The following ZNF385B variants were observed in gnomAD, a reference collection of about 807,000 sequenced individuals.
ZNF385B encodes zinc finger protein 533.
ZNF385B carries 23 observed loss-of-function variants against 39.2 expected under a neutral mutation model. That is an observed-to-expected ratio of 0.59 (90% CI 0.42 to 0.83). ZNF385B has a LOEUF of 0.83. Among genes scored for constraint, ZNF385B ranks in the 40% least tolerant of loss-of-function variants. ZNF385B has a pLI of 0.00. For missense variants in ZNF385B, 552 were observed against 598.9 expected (o/e 0.92, Z 0.82); for synonymous variants, 205 against 222.6 (o/e 0.92, Z 0.70).
intron 4 of ZNF385B, among the ~76,000 whole-genome samples, chr2:179,542,083 G>A (rs1194055101): frequency 6.6e-6 from 1 of 152,198 alleles, no homozygotes; most frequent in African/African-American, 2.4e-5. Context: ...TATTAGTGGT[G>A]ATGTAATAGC....
rs1429643165 is a variant in ZNF385B, at chr2:179,551,961, T to C, written c.299-6992A>G. On this transcript the variant is annotated intron_variant, in intron 3 of 9. Transcript: ENST00000410066. ...TCCCATTAGAATGTAATTAAATTTCTTGCATACATTTCACTTTGATGGTAA... is the reference window on the plus strand; with the variant it reads ...TCCCATTAGAATGTAATTAAATTTCCTGCATACATTTCACTTTGATGGTAA... Among the ~76,000 whole-genome samples the C allele has an allele frequency of 2.3e-5, 3 of 133,144 alleles. No individual in the cohort carries two copies. The East Asian group carries it at 5.8e-4, about 26-fold the overall frequency. The allele number at this position is 133,144 out of a possible 152,430, so 87.3% of individuals were successfully genotyped here.
chr2:179,463,711 C>T (rs2051636265), intron 6 of ZNF385B, among the ~76,000 whole-genome samples: 1 of 152,166 alleles, frequency 6.6e-6, no homozygotes, highest in Non-Finnish European at 1.5e-5. Context: ...CATAGTATTC[C>T]ATGGTGTATA....
At chr2:179,696,567 CACTT>C (rs1234394994) in intron 3 of ZNF385B, among the ~76,000 whole-genome samples, 1 of 151,860 alleles carries the variant, frequency 6.6e-6, no homozygotes, top group Admixed American at 6.6e-5. Context: ...AATTTGTAGT[CACTT>C]AGTGATACTC....
At chr2:179,801,118 T>C (rs1352111) in intron 1 of ZNF385B, among the ~76,000 whole-genome samples, 63,157 of 151,852 alleles carry the variant, frequency 0.42, 13,481 homozygotes, top group Admixed American at 0.53. Flanking sequence ...GGTGCTTTTG[T>C]GTTTATTACC....
intron 3 of ZNF385B, among the ~76,000 whole-genome samples, chr2:179,616,483 G>A (rs1689749398): frequency 6.6e-6 from 1 of 151,992 alleles, no homozygotes; most frequent in South Asian, 2.1e-4. Context: ...ACAGGTGTAT[G>A]TCACCACGCC....
In ZNF385B at chr2:179,828,679, T is replaced by G. The variant is rs143072384; in HGVS notation, c.-155+32422A>C. Among the ~76,000 whole-genome samples the G allele has an allele frequency of 2.0e-5, 3 of 152,284 alleles. No homozygotes were observed. In the East Asian group the frequency reaches 5.8e-4, roughly 29 times the overall value. ...TCATGAAGTTTGAGAGTATGAAAAT[T>G]ACGAATCACTTCAAGAACTTTAAAA... On this transcript the variant is annotated intron_variant, in intron 1 of 9. Coordinates refer to ENST00000410066, the MANE Select transcript of ZNF385B (RefSeq NM_152520.6).
At chr2:179,699,119 T>A (rs911106243) in intron 3 of ZNF385B, among the ~76,000 whole-genome samples, 266 of 151,306 alleles carry the variant, frequency 1.8e-3, no homozygotes, top group African/African-American at 6.2e-3. Context: ...TGTGTTAAAA[T>A]ATATATATAT....
At position 179,645,892 on chromosome 2, in the gene ZNF385B, C is replaced by T. The variant is rs565142694; in HGVS notation, c.299-100923G>A. On this transcript the variant is annotated intron_variant, in intron 3 of 9. Transcript: ENST00000410066. Reference sequence around the variant, plus strand: ...ATTTTTTTTCATGCCCATATGCACTCTTCTCTCTGTAGAGGTCAAAGGTTT... The same window carrying T: ...ATTTTTTTTCATGCCCATATGCACTTTTCTCTCTGTAGAGGTCAAAGGTTT... Among the ~76,000 whole-genome samples the T allele has an allele frequency of 7.2e-5, 11 of 152,292 alleles. No homozygotes were observed. In the East Asian group the frequency reaches 1.4e-3, roughly 19 times the overall value.
intron 3 of ZNF385B, among the ~76,000 whole-genome samples, chr2:179,635,886 C>T (rs924269574): frequency 2.0e-5 from 3 of 152,132 alleles, no homozygotes; most frequent in Non-Finnish European, 4.4e-5. Context: ...GTGACCTACA[C>T]AAACATACTC....
chr2:179,445,456 C>A, intron 8 of ZNF385B, 94 bp downstream of exon 8: 1 of 1,270,952 alleles, frequency 7.9e-7, no homozygotes, highest in Non-Finnish European at 1.1e-6. Context: ...GTCAACTTAA[C>A]TGTGAGCACA....
intron 6 of ZNF385B, among the ~76,000 whole-genome samples, chr2:179,460,263 T>C (rs2051178360): frequency 1.3e-5 from 2 of 152,228 alleles, no homozygotes; most frequent in South Asian, 2.1e-4. Context: ...CAGAGATATC[T>C]AACATGGCTG....
rs553861949 is a variant in ZNF385B at position 179,860,380 on chromosome 2, T to C, written c.-155+721A>G. 9.2e-5 allele frequency among the ~76,000 whole-genome samples: 14 copies of C among 152,208 alleles called. No homozygotes were observed. The South Asian group carries it at 1.7e-3, about 18-fold the overall frequency. On this transcript the variant is annotated intron_variant, in intron 1 of 9. Coordinates refer to ENST00000410066, the MANE Select transcript of ZNF385B (RefSeq NM_152520.6). ...TCCTCCAGAGTCTAGGGAAGCATCG[T>C]CCTGCCAGCTCTCCCTTCTCCCCAC...
intron 1 of ZNF385B, among the ~76,000 whole-genome samples, chr2:179,830,852 A>C (rs541704032): frequency 5.9e-5 from 9 of 152,284 alleles, no homozygotes; most frequent in African/African-American, 2.2e-4. Flanking sequence ...TAATGCAAAC[A>C]AGGGCCTTTA....
intron 1 of ZNF385B, chr2:179,802,713 C>T (rs960766539): frequency 6.6e-6 from 1 of 152,024 alleles, no homozygotes; most frequent in African/African-American, 2.4e-5. Context: ...AGCTGAATGA[C>T]AGTGATTCAA....
rs753276716 is a variant in ZNF385B, at chr2:179,443,469, C to T, written c.1243-1G>A. ...TATCTTTCTGGAATGCAAGTTTTGC[C>T]TAAGGGAGGGAGAAAACCAGGAATG... On this transcript the variant is annotated splice_acceptor_variant, in intron 9 of 9. Coordinates refer to ENST00000410066, the MANE Select transcript of ZNF385B (RefSeq NM_152520.6). LOFTEE classifies it high-confidence loss of function. The T allele has an allele frequency of 6.3e-7, 1 of 1,588,570 alleles. No individual in the cohort carries two copies. Among genetic ancestry groups the T allele is most frequent in the Non-Finnish European group, 8.6e-7 (1 of 1,166,848 alleles).
At chr2:179,562,345 A>T in intron 3 of ZNF385B, 1 of 960,466 alleles carries the variant, frequency 1.0e-6, no homozygotes, top group South Asian at 4.8e-5. Flanking sequence ...TTTGTCACAT[A>T]TTTCATAAGA....
At position 179,443,171 on chromosome 2, in the gene ZNF385B, A is replaced by G. The variant is rs1384804444; in HGVS notation, c.*79T>C. 1 of 1,557,198 alleles carries G rather than the reference A, an allele frequency of 6.4e-7. No homozygotes were observed. The highest frequency in any genetic ancestry group is 8.8e-7 in the Non-Finnish European group (1 of 1,134,700). ...GGTGAATGGGGGGTACTGCAACACA[A>G]ACTGCTTAAATTGCTGAATCCTTGT... is the stretch of plus-strand genomic sequence containing the variant. On this transcript the variant is annotated 3_prime_UTR_variant, in exon 10 of 10. Coordinates refer to ENST00000410066, the MANE Select transcript of ZNF385B (RefSeq NM_152520.6).
chr2:179,496,958 G>A (rs1174736053), intron 5 of ZNF385B, among the ~76,000 whole-genome samples: 1 of 152,072 alleles, frequency 6.6e-6, no homozygotes, highest in Non-Finnish European at 1.5e-5. Flanking sequence ...CTGAGGCTCA[G>A]GAATCACTTG....
intron 3 of ZNF385B, among the ~76,000 whole-genome samples, chr2:179,649,643 A>G (rs1277956881): frequency 2.0e-5 from 3 of 152,218 alleles, no homozygotes; most frequent in Non-Finnish European, 4.4e-5. Context: ...TATATCATAT[A>G]ATACAATTTG....
Sources: allele counts gnomAD v4.1 joint callset (sites outside exome capture counted in the v4.1 genomes callset), GRCh38; gene constraint gnomAD v4.1.1; transcripts MANE v1.5; gene names NCBI Gene and HGNC (gene_info 2026-07-23, HGNC 2026-07-21).